Variants in DLG2 observed in about 807,000 individuals in gnomAD.
The protein encoded by DLG2 is disks large homolog 2.
DLG2 carries 45 observed loss-of-function variants against 132.5 expected under a neutral mutation model. The ratio of observed to expected loss-of-function variants is 0.34; its 90% CI spans 0.27 to 0.44. The LOEUF is 0.44. DLG2 is among the 20% of genes least tolerant of loss of function. The pLI, the probability that DLG2 is intolerant of heterozygous loss-of-function variation, is 1.00. For missense variants in DLG2, 1,045 were observed against 1,196.9 expected (o/e 0.87, Z 1.87); for synonymous variants, 424 against 419.6 (o/e 1.01, Z -0.13).
intron 4 of DLG2, among the ~76,000 whole-genome samples, chr11:85,195,217 T>C (rs2080938991): frequency 6.6e-6 from 1 of 152,184 alleles, no homozygotes; most frequent in Non-Finnish European, 1.5e-5. Flanking sequence ...CGAATCTAGT[T>C]AGCGGAGGCA....
At chr11:83,870,742 T>C (rs2063287121) in intron 16 of DLG2, among the ~76,000 whole-genome samples, 1 of 152,184 alleles carries the variant, frequency 6.6e-6, no homozygotes, top group Non-Finnish European at 1.5e-5. Flanking sequence ...TCTTCATTCC[T>C]ATTCTCAGAC....
At chr11:83,600,968 G>C (rs2058442109) in intron 19 of DLG2, among the ~76,000 whole-genome samples, 1 of 152,164 alleles carries the variant, frequency 6.6e-6, no homozygotes, top group Non-Finnish European at 1.5e-5. Flanking sequence ...ATTGCCTATA[G>C]GTATTTACTA....
intron 6 of DLG2, among the ~76,000 whole-genome samples, chr11:85,072,498 T>C (rs965573140): frequency 1.3e-5 from 2 of 151,816 alleles, no homozygotes; most frequent in African/African-American, 4.8e-5. Flanking sequence ...TATCTTTTGG[T>C]TAATTTCTTA....
At chr11:85,231,052 T>C (rs1028782973) in intron 4 of DLG2, among the ~76,000 whole-genome samples, 4 of 152,026 alleles carry the variant, frequency 2.6e-5, no homozygotes, top group Non-Finnish European at 5.9e-5. Context: ...CAAGTCTATT[T>C]TGTTATAGCA....
At chr11:85,426,525 A>G (rs2090754375) in intron 3 of DLG2, among the ~76,000 whole-genome samples, 1 of 152,172 alleles carries the variant, frequency 6.6e-6, no homozygotes, top group Non-Finnish European at 1.5e-5. Flanking sequence ...AGGGTCTGGA[A>G]TGGATCTCCA....
chr11:83,888,115 G>A (rs1352484459), intron 15 of DLG2, among the ~76,000 whole-genome samples: 2 of 149,416 alleles, frequency 1.3e-5, no homozygotes, highest in Non-Finnish European at 3.0e-5. Flanking sequence ...TTAGGCAGGA[G>A]AAGGAAATAA....
intron 14 of DLG2, among the ~76,000 whole-genome samples, chr11:83,934,647 T>C (rs2081064262): frequency 6.6e-6 from 1 of 152,216 alleles, no homozygotes; most frequent in Non-Finnish European, 1.5e-5. Context: ...TGACTTACAC[T>C]TTATTGAGTT....
At chr11:83,700,383 G>C (rs2082716536) in intron 18 of DLG2, among the ~76,000 whole-genome samples, 1 of 152,164 alleles carries the variant, frequency 6.6e-6, no homozygotes, top group South Asian at 2.1e-4. Context: ...GGAGCAAAGA[G>C]GCTATGATGA....
chr11:85,394,233 T>A (rs1307179822), intron 3 of DLG2, among the ~76,000 whole-genome samples: 1 of 152,204 alleles, frequency 6.6e-6, no homozygotes. Flanking sequence ...GTTAATTAGA[T>A]TGATTTAGCC....
At chr11:85,065,090 A>T (rs897635548) in intron 6 of DLG2, among the ~76,000 whole-genome samples, 3 of 151,610 alleles carry the variant, frequency 2.0e-5, no homozygotes, top group African/African-American at 7.3e-5. Context: ...TGGGCAGTGG[A>T]GAGGGGTGGG....
intron 6 of DLG2, among the ~76,000 whole-genome samples, chr11:84,900,307 C>T (rs933881919): frequency 6.6e-6 from 1 of 151,986 alleles, no homozygotes; most frequent in Non-Finnish European, 1.5e-5. Context: ...AATAAAACAG[C>T]TCTATTCTTA....
intron 7 of DLG2, among the ~76,000 whole-genome samples, chr11:84,454,288 G>A (rs1256950665): frequency 6.6e-6 from 1 of 151,532 alleles, no homozygotes; most frequent in Non-Finnish European, 1.5e-5. Context: ...AGGAATGACT[G>A]TCCTCTGAGA....
intron 7 of DLG2, among the ~76,000 whole-genome samples, chr11:84,517,027 AT>A (rs1565167539): frequency 5.1e-4 from 69 of 135,314 alleles, no homozygotes; most frequent in African/African-American, 1.6e-3. Context: ...TAAAAAATAA[AT>A]AAATAAATAA....
chr11:85,028,359 G>A (rs1052112924), intron 6 of DLG2, among the ~76,000 whole-genome samples: 1 of 152,202 alleles, frequency 6.6e-6, no homozygotes, highest in African/African-American at 2.4e-5. Context: ...CGGACTCTAT[G>A]CACAGTTGAC....
intron 3 of DLG2, among the ~76,000 whole-genome samples, chr11:85,506,782 C>G (rs2093945229): frequency 6.6e-6 from 1 of 152,152 alleles, no homozygotes; most frequent in Non-Finnish European, 1.5e-5. Flanking sequence ...TGTTAACTTT[C>G]TGTCTCGTTG....
At chr11:84,022,299 T>C (rs1010195652) in intron 11 of DLG2, among the ~76,000 whole-genome samples, 1 of 152,094 alleles carries the variant, frequency 6.6e-6, no homozygotes, top group African/African-American at 2.4e-5. Context: ...ACATCCACTA[T>C]CCAGCAACAG....
At chr11:84,639,231 T>A (rs1258670168) in intron 6 of DLG2, among the ~76,000 whole-genome samples, 1 of 152,192 alleles carries the variant, frequency 6.6e-6, no homozygotes, top group African/African-American at 2.4e-5. Context: ...AATCTGAGTG[T>A]TATTTTTTGA....
At chr11:85,330,806 A>G (rs1193493307) in intron 3 of DLG2, among the ~76,000 whole-genome samples, 2 of 150,342 alleles carry the variant, frequency 1.3e-5, no homozygotes, top group Non-Finnish European at 3.0e-5. Flanking sequence ...AAAAAAAAAA[A>G]AAAAAAGAAA....
chr11:83,543,030 G>T (rs768165200), intron 19 of DLG2, among the ~76,000 whole-genome samples: 3 of 152,092 alleles, frequency 2.0e-5, no homozygotes, highest in Admixed American at 6.6e-5. Flanking sequence ...GCCCATCAAA[G>T]AAATGTCACA....
Sources: allele counts gnomAD v4.1 joint callset (sites outside exome capture counted in the v4.1 genomes callset), GRCh38; gene constraint gnomAD v4.1.1; transcripts MANE v1.5; gene names NCBI Gene and HGNC (gene_info 2026-07-23, HGNC 2026-07-21).